The following BMP6 variants were observed in gnomAD, a reference collection of about 807,000 sequenced individuals.
BMP6 encodes bone morphogenetic protein 6, also known as VG-1-R.
A neutral mutation model predicts 54.1 loss-of-function variants in BMP6; 17 were observed. The observed-to-expected ratio is 0.31, with a 90% CI of 0.22 to 0.47. BMP6 has a LOEUF of 0.47. Ranked by LOEUF, BMP6 falls within the 20% of genes least tolerant of loss-of-function variation. The probability of loss-of-function intolerance (pLI) is 1.00; values close to 1 mark genes in which losing one functional copy is unlikely to be tolerated. For synonymous variants in BMP6, 328 were observed against 291.2 expected (o/e 1.13, Z -1.28); for missense variants, 720 against 690.4 (o/e 1.04, Z -0.48).
chr6:7,806,379 T>C (rs897028014), intron 1 of BMP6, among the ~76,000 whole-genome samples: 1 of 152,262 alleles, frequency 6.6e-6, no homozygotes, highest in Non-Finnish European at 1.5e-5. Context: ...TGATTGCCCA[T>C]GTGAGGACAT....
intron 2 of BMP6, 29 bp downstream of exon 2, chr6:7,845,361 T>TG (rs775434622): frequency 1.2e-5 from 19 of 1,588,960 alleles, no homozygotes; most frequent in Non-Finnish European, 1.6e-5. Flanking sequence ...GCCCCAAAGG[T>TG]GGGGCTGGCC....
intron 1 of BMP6, among the ~76,000 whole-genome samples, chr6:7,808,418 C>T (rs997874734): frequency 6.6e-6 from 1 of 152,164 alleles, no homozygotes; most frequent in African/African-American, 2.4e-5. Flanking sequence ...GGGGGGCGAT[C>T]ATTGCAAACT....
intron 1 of BMP6, among the ~76,000 whole-genome samples, chr6:7,729,185 A>C (rs1251139351): frequency 6.6e-6 from 1 of 152,234 alleles, no homozygotes; most frequent in Non-Finnish European, 1.5e-5. Context: ...TTCTCATGCC[A>C]GTCAATAAAA....
chr6:7,838,941 C>CAAA (rs778664842), intron 1 of BMP6, among the ~76,000 whole-genome samples: 9 of 59,116 alleles, frequency 1.5e-4, no homozygotes, highest in South Asian at 7.0e-4. Flanking sequence ...GACTCTGTCT[C>CAAA]AAAAAAAAAA....
intron 4 of BMP6, among the ~76,000 whole-genome samples, chr6:7,876,756 GT>G (rs1256793234): frequency 1.3e-5 from 2 of 151,944 alleles, no homozygotes; most frequent in Admixed American, 1.3e-4. Context: ...AATGGTTATG[GT>G]TTTTATAAAG....
chr6:7,809,895 G>A (rs927407), intron 1 of BMP6, among the ~76,000 whole-genome samples: 116,502 of 152,128 alleles, frequency 0.77, 44,925 homozygotes, highest in East Asian at 0.99. Flanking sequence ...GAAACTGAGT[G>A]AGATTATTAA....
At chr6:7,773,252 A>G (rs1206732618) in intron 1 of BMP6, among the ~76,000 whole-genome samples, 1 of 152,228 alleles carries the variant, frequency 6.6e-6, no homozygotes, top group Non-Finnish European at 1.5e-5. Flanking sequence ...ATGTACACAC[A>G]TGTATACACA....
intron 1 of BMP6, among the ~76,000 whole-genome samples, chr6:7,788,192 G>T (rs369387336): frequency 6.6e-6 from 1 of 152,128 alleles, no homozygotes; most frequent in South Asian, 2.1e-4. Flanking sequence ...TGTTGTCAGG[G>T]GCTCAATTAC....
intron 1 of BMP6, among the ~76,000 whole-genome samples, chr6:7,740,187 G>A (rs1295513033): frequency 6.6e-6 from 1 of 152,054 alleles, no homozygotes; most frequent in Admixed American, 6.5e-5. Flanking sequence ...GTGGCCTGGT[G>A]GTAGCTGTTG....
chr6:7,791,499 C>T (rs2113183898), intron 1 of BMP6, among the ~76,000 whole-genome samples: 1 of 152,246 alleles, frequency 6.6e-6, no homozygotes, highest in East Asian at 1.9e-4. Flanking sequence ...GTCCTTGGCC[C>T]TCTCTGCTTC....
At position 7,821,474 on chromosome 6, in the gene BMP6, C is replaced by T. The variant is rs149229831; in HGVS notation, c.665-23666C>T. Reference sequence around the variant, plus strand: ...CTGAGGCAGGAGGATCACTTGAGGCCGGGAGGGCAGCATCGTGAAACCCCA... The same window carrying T: ...CTGAGGCAGGAGGATCACTTGAGGCTGGGAGGGCAGCATCGTGAAACCCCA... On this transcript the variant is annotated intron_variant, in intron 1 of 6. Coordinates refer to ENST00000283147, the MANE Select transcript of BMP6 (RefSeq NM_001718.6). Among the ~76,000 whole-genome samples, 104 of 152,016 alleles carry T rather than the reference C, an allele frequency of 6.8e-4. 4 individuals are homozygous for T. In the East Asian group the frequency reaches 0.016, roughly 23 times the overall value.
intron 1 of BMP6, among the ~76,000 whole-genome samples, chr6:7,728,989 T>A (rs1432911777): frequency 1.3e-5 from 2 of 152,160 alleles, no homozygotes; most frequent in Non-Finnish European, 2.9e-5. Context: ...GGCAGGGCGA[T>A]TGGCATCCAA....
At chr6:7,852,533 C>T (rs1759159518) in intron 2 of BMP6, among the ~76,000 whole-genome samples, 1 of 152,248 alleles carries the variant, frequency 6.6e-6, no homozygotes, top group Admixed American at 6.5e-5. Flanking sequence ...GCTATGATTG[C>T]ACCACTGCGC....
chr6:7,750,880 G>A (rs1331195553), intron 1 of BMP6, among the ~76,000 whole-genome samples: 1 of 152,170 alleles, frequency 6.6e-6, no homozygotes, highest in Non-Finnish European at 1.5e-5. Context: ...TGTTTGAGCT[G>A]TAATTCTGCC....
At chr6:7,864,007 A>AT (rs1170476123) in intron 4 of BMP6, among the ~76,000 whole-genome samples, 1 of 125,274 alleles carries the variant, frequency 8.0e-6, no homozygotes, top group East Asian at 2.9e-4. Flanking sequence ...GCGAGACTCC[A>AT]TCGAAAAAAA....
At chr6:7,879,010 G>A in intron 4 of BMP6, 64 bp from the exon 5 acceptor site, 1 of 1,504,154 alleles carries the variant, frequency 6.6e-7, no homozygotes, top group Non-Finnish European at 9.3e-7. Flanking sequence ...AACTCTCTAT[G>A]AAGGAATTAA....
chr6:7,808,751 C>T (rs182540078), intron 1 of BMP6, among the ~76,000 whole-genome samples: 3 of 151,356 alleles, frequency 2.0e-5, no homozygotes. Context: ...ATGTCTCAAA[C>T]AAAAAATTTA....
intron 1 of BMP6, among the ~76,000 whole-genome samples, chr6:7,788,509 G>A (rs1758049968): frequency 6.6e-6 from 1 of 152,158 alleles, no homozygotes; most frequent in South Asian, 2.1e-4. Flanking sequence ...TTTATGCCGA[G>A]AACTAAAGAA....
intron 1 of BMP6, among the ~76,000 whole-genome samples, chr6:7,835,770 G>A (rs941611469): frequency 8.5e-5 from 13 of 152,108 alleles, no homozygotes; most frequent in African/African-American, 2.9e-4. Context: ...TCTCATAGAA[G>A]CCAAGGTCCA....
Sources: gnomAD v4.1 joint callset for allele counts (sites outside exome capture counted in the v4.1 genomes callset) on GRCh38, gnomAD v4.1.1 for gene constraint, MANE v1.5 for transcripts, NCBI Gene and HGNC (gene_info 2026-07-23, HGNC 2026-07-21) for gene names.